The following KAZN variants were observed in gnomAD, a reference collection of about 807,000 sequenced individuals.
KAZN encodes the protein kazrin, periplakin interacting protein.
In KAZN, 40 loss-of-function variants were observed where a neutral mutation model predicts 87.4. The observed-to-expected ratio is 0.46, with a 90% CI of 0.36 to 0.60. KAZN has a LOEUF of 0.60. Ranked by LOEUF, KAZN falls within the 20% of genes least tolerant of loss-of-function variation. The pLI, the probability that KAZN is intolerant of heterozygous loss-of-function variation, is 0.00. For synonymous variants in KAZN, 466 were observed against 458.3 expected (o/e 1.02, Z -0.22); for missense variants, 898 against 1,073.9 (o/e 0.84, Z 2.29).
intron 1 of KAZN, among the ~76,000 whole-genome samples, chr1:14,934,969 C>T (rs562126888): frequency 2.0e-5 from 3 of 152,346 alleles, no homozygotes; most frequent in Admixed American, 6.5e-5. Context: ...CTTCTTCTAG[C>T]GCCGGGGGCC....
rs58491688 is a variant in KAZN at position 14,373,198 on chromosome 1, AATAT to A, written c.249+192631_249+192634del. The stretch of plus-strand genomic sequence containing the variant: ...TTGTTAGGGTTCTCCTGAAAAACTG[AATAT>A]ATATATATATATATATATATATATG... On this transcript the variant is annotated intron_variant, in intron 2 of 16. Coordinates refer to the KAZN transcript ENST00000636203. Among the ~76,000 whole-genome samples, 698 of 149,250 alleles carry A rather than the reference AATAT, an allele frequency of 4.7e-3. 8 individuals carry two copies. The highest frequency in any genetic ancestry group is 0.013 in the African/African-American group (540 of 40,084).
At chr1:14,105,279 C>G (rs749346502) in intron 1 of KAZN, among the ~76,000 whole-genome samples, 3 of 152,148 alleles carry the variant, frequency 2.0e-5, no homozygotes. Context: ...AAGAACCAAC[C>G]CGATCTGGGA....
At chr1:14,764,384 A>ACCCCCCCCCCCCCCCCCCCCCCC (rs1408862725) in intron 1 of KAZN, among the ~76,000 whole-genome samples, 1 of 105,156 alleles carries the variant, frequency 9.5e-6, no homozygotes, top group African/African-American at 3.7e-5. Flanking sequence ...CCCCTCCCCC[A>ACCCCCCCCCCCCCCCCCCCCCCC]CACCCCCCCC....
At chr1:14,265,323 C>T (rs1651390019) in intron 2 of KAZN, among the ~76,000 whole-genome samples, 1 of 152,170 alleles carries the variant, frequency 6.6e-6, no homozygotes, top group African/African-American at 2.4e-5. Flanking sequence ...ACTAATCAAA[C>T]ATGATAGTTT....
intron 2 of KAZN, among the ~76,000 whole-genome samples, chr1:14,983,803 G>A (rs1030925849): frequency 2.0e-5 from 3 of 152,024 alleles, no homozygotes; most frequent in Admixed American, 1.3e-4. Flanking sequence ...TAAGCTGGGC[G>A]TGGTGGCACG....
intron 14 of KAZN, 115 bp from the exon 15 acceptor site, chr1:15,114,356 G>T (rs1435005849): frequency 3.6e-6 from 3 of 832,992 alleles, no homozygotes; most frequent in Non-Finnish European, 3.8e-6. Flanking sequence ...GCACACAGAG[G>T]TTAAGTAAGT....
At chr1:14,627,050 G>A (rs1679195790) in intron 1 of KAZN, among the ~76,000 whole-genome samples, 1 of 152,018 alleles carries the variant, frequency 6.6e-6, no homozygotes, top group Admixed American at 6.6e-5. Context: ...CACTGTTGGA[G>A]GCCCTGGGAT....
chr1:14,732,360 C>T (rs1032962532), intron 1 of KAZN, among the ~76,000 whole-genome samples: 2 of 152,144 alleles, frequency 1.3e-5, no homozygotes, highest in Admixed American at 6.5e-5. Flanking sequence ...AAATGAAGGC[C>T]GGGTGCAATG....
chr1:14,182,319 C>G (rs1024339687), intron 2 of KAZN, among the ~76,000 whole-genome samples: 1 of 152,180 alleles, frequency 6.6e-6, no homozygotes, highest in Non-Finnish European at 1.5e-5. Flanking sequence ...AGGTAGGTGT[C>G]TACCTGGGTC....
chr1:14,853,146 G>T (rs909328751), intron 1 of KAZN, among the ~76,000 whole-genome samples: 2 of 152,154 alleles, frequency 1.3e-5, no homozygotes, highest in Admixed American at 6.5e-5. Flanking sequence ...TCATGCCTAG[G>T]CCCTGAGGAT....
At chr1:14,142,274 C>T (rs1358966206) in intron 1 of KAZN, among the ~76,000 whole-genome samples, 1 of 152,150 alleles carries the variant, frequency 6.6e-6, no homozygotes, top group East Asian at 1.9e-4. Context: ...CCTCCATTTT[C>T]AAAACCTCCT....
intron 1 of KAZN, among the ~76,000 whole-genome samples, chr1:14,877,943 G>A (rs887096629): frequency 6.6e-6 from 1 of 152,128 alleles, no homozygotes; most frequent in African/African-American, 2.4e-5. Flanking sequence ...CGGCACATTG[G>A]GAGAGACAGA....
At chr1:14,180,735 G>C in intron 2 of KAZN, 1 of 629,658 alleles carries the variant, frequency 1.6e-6, no homozygotes, top group Non-Finnish European at 2.7e-6. Flanking sequence ...TTGAGTATTG[G>C]ATTTCTGATT....
intron 2 of KAZN, among the ~76,000 whole-genome samples, chr1:14,374,981 T>C (rs952460770): frequency 3.3e-5 from 5 of 152,170 alleles, no homozygotes; most frequent in South Asian, 4.1e-4. Context: ...TTACCCAAAC[T>C]CTAGAGCACC....
intron 1 of KAZN, among the ~76,000 whole-genome samples, chr1:14,027,469 T>C (rs913130486): frequency 4.6e-5 from 7 of 152,186 alleles, no homozygotes; most frequent in African/African-American, 1.7e-4. Context: ...GTATGTTAAG[T>C]TGCATGCCGG....
intron 1 of KAZN, among the ~76,000 whole-genome samples, chr1:13,909,933 G>T (rs565359404): frequency 1.3e-5 from 2 of 152,320 alleles, no homozygotes; most frequent in Admixed American, 1.3e-4. Flanking sequence ...AAACCCAGAT[G>T]ATGGTGGTCA....
At chr1:15,012,898 G>A (rs530065337) in intron 2 of KAZN, among the ~76,000 whole-genome samples, 4 of 152,176 alleles carry the variant, frequency 2.6e-5, no homozygotes, top group East Asian at 3.9e-4. Context: ...CTCCGGCCTC[G>A]GCAACAGAAA....
At chr1:14,595,443 C>T (rs533405476), upstream of KAZN, among the ~76,000 whole-genome samples, 2 of 151,926 alleles carry the variant, frequency 1.3e-5, no homozygotes, top group African/African-American at 4.8e-5. Flanking sequence ...TTTGGGAGGC[C>T]GAGGCAGGTG....
chr1:14,922,791 CAAAAA>C (rs35903866), intron 1 of KAZN, among the ~76,000 whole-genome samples: 2 of 75,546 alleles, frequency 2.6e-5, no homozygotes, highest in African/African-American at 5.1e-5. Context: ...GACTCTGTCT[CAAAAA>C]AAAAAAAAAA....
Sources: gnomAD v4.1 joint callset for allele counts (sites outside exome capture counted in the v4.1 genomes callset) on GRCh38, gnomAD v4.1.1 for gene constraint, MANE v1.5 for transcripts, NCBI Gene and HGNC (gene_info 2026-07-23, HGNC 2026-07-21) for gene names.